Variants in UTRN observed in about 807,000 individuals in gnomAD.
UTRN encodes utrophin.
UTRN carries 283 observed loss-of-function variants against 463.9 expected under a neutral mutation model. That is an observed-to-expected ratio of 0.61 (90% CI 0.55 to 0.67). UTRN has a LOEUF of 0.67. UTRN is among the 30% of genes least tolerant of loss of function. UTRN has a pLI of 0.00. For synonymous variants in UTRN, 1,442 were observed against 1,431.5 expected, an observed-to-expected ratio of 1.01 and a Z score of -0.17; for missense variants, 3,922 against 4,084.3, an observed-to-expected ratio of 0.96 and a Z score of 1.08.
At chr6:144,846,007 G>T (rs1187210437) in intron 73 of UTRN, among the ~76,000 whole-genome samples, 3 of 152,030 alleles carry the variant, frequency 2.0e-5, no homozygotes, top group African/African-American at 7.2e-5. Context: ...ATTTGACCAA[G>T]AACAGATTGT....
chr6:144,518,692 C>T (rs918901650), intron 39 of UTRN, among the ~76,000 whole-genome samples: 5 of 151,886 alleles, frequency 3.3e-5, no homozygotes, highest in African/African-American at 7.3e-5. Context: ...TCTTTGGGTC[C>T]GAAATCAGAA....
At chr6:144,429,401 A>G (rs1408892070) in intron 8 of UTRN, among the ~76,000 whole-genome samples, 180 bp from the exon 9 acceptor site, 2 of 152,180 alleles carry the variant, frequency 1.3e-5, no homozygotes, top group African/African-American at 4.8e-5. Context: ...GAACAAAAAT[A>G]AGTAATCCCT....
At chr6:144,464,823 C>T (rs1431283323) in intron 23 of UTRN, among the ~76,000 whole-genome samples, 2 of 152,174 alleles carry the variant, frequency 1.3e-5, no homozygotes, top group African/African-American at 4.8e-5. Context: ...GATGGTCCCA[C>T]TTCTCGTTGT....
chr6:144,359,079 CA>C (rs775139351), intron 2 of UTRN, among the ~76,000 whole-genome samples: 42 of 152,070 alleles, frequency 2.8e-4, no homozygotes, highest in Non-Finnish European at 4.6e-4. Context: ...GATAATAGTA[CA>C]GCGAAAATTA....
intron 2 of UTRN, among the ~76,000 whole-genome samples, chr6:144,382,484 G>A (rs1172082987): frequency 6.6e-6 from 1 of 152,154 alleles, no homozygotes; most frequent in Non-Finnish European, 1.5e-5. Context: ...GCTACATCTG[G>A]GAATTTGTGC....
intron 51 of UTRN, among the ~76,000 whole-genome samples, chr6:144,623,278 T>C (rs1775614741): frequency 6.6e-6 from 1 of 152,232 alleles, no homozygotes; most frequent in Non-Finnish European, 1.5e-5. Flanking sequence ...ATATTAGTGA[T>C]GTCAGTGAAG....
chr6:144,310,768 A>G (rs1483568122), intron 2 of UTRN, among the ~76,000 whole-genome samples: 1 of 152,248 alleles, frequency 6.6e-6, no homozygotes, highest in East Asian at 1.9e-4. Context: ...ACAGAGCAAG[A>G]TGCTGTCTCA....
chr6:144,651,442 G>A (rs1778808642), intron 51 of UTRN, among the ~76,000 whole-genome samples: 1 of 152,136 alleles, frequency 6.6e-6, no homozygotes, highest in Admixed American at 6.5e-5. Context: ...GGGTCAAGCA[G>A]CTAGATAAGT....
rs774804253 is a variant in UTRN at position 144,789,292 on chromosome 6, T to C, written c.8920+13T>C. On this transcript the variant is annotated intron_variant, in intron 62 of 74. Transcript: ENST00000367545. The stretch of plus-strand genomic sequence containing the variant: ...GAAAAATACAGATGTATGTAAGACC[T>C]TTCTTATACCAACAGTGTTTTTAGT... 1 of 1,566,458 alleles carries C rather than the reference T, an allele frequency of 6.4e-7. No homozygotes were observed. The highest frequency in any genetic ancestry group is 1.7e-4 in the Middle Eastern group (1 of 5,866).
chr6:144,525,079 T>C (rs1300414198), intron 41 of UTRN, among the ~76,000 whole-genome samples: 3 of 152,178 alleles, frequency 2.0e-5, no homozygotes, highest in African/African-American at 7.2e-5. Context: ...TGATATACTA[T>C]TGGATTCAGT....
chr6:144,533,043 T>C, intron 42 of UTRN, 42 bp from the exon 43 acceptor site: 1 of 1,141,416 alleles, frequency 8.8e-7, no homozygotes, highest in African/African-American at 1.5e-5. Context: ...CAGAATCATT[T>C]ACTTATTAGT....
At chr6:144,768,980 T>G (rs1793702515) in intron 58 of UTRN, among the ~76,000 whole-genome samples, 1 of 151,320 alleles carries the variant, frequency 6.6e-6, no homozygotes, top group Non-Finnish European at 1.5e-5. Context: ...TTAATTTTAT[T>G]CTTGGATAGA....
chr6:144,591,392 G>A (rs1382897941), intron 51 of UTRN, among the ~76,000 whole-genome samples: 1 of 152,152 alleles, frequency 6.6e-6, no homozygotes, highest in Non-Finnish European at 1.5e-5. Flanking sequence ...GACCAGTGGG[G>A]CTTGTGATAG....
chr6:144,388,737 A>G (rs879738702), intron 2 of UTRN, among the ~76,000 whole-genome samples: 2 of 152,226 alleles, frequency 1.3e-5, no homozygotes, highest in Non-Finnish European at 2.9e-5. Context: ...TGGTGGCTCA[A>G]GCAGTCCACC....
intron 45 of UTRN, among the ~76,000 whole-genome samples, chr6:144,540,561 T>G (rs1381850704): frequency 2.0e-5 from 3 of 152,152 alleles, no homozygotes; most frequent in African/African-American, 2.4e-5. Context: ...GCTCAACATC[T>G]CTCCTTAAAT....
At chr6:144,802,863 A>G (rs1203589872) in intron 64 of UTRN, among the ~76,000 whole-genome samples, 173 bp from the exon 65 acceptor site, 1 of 152,180 alleles carries the variant, frequency 6.6e-6, no homozygotes, top group Non-Finnish European at 1.5e-5. Flanking sequence ...ATCTTCTGAC[A>G]TGCATATTTG....
intron 74 of UTRN, 52 bp downstream of exon 74, chr6:144,846,879 A>G: frequency 1.2e-6 from 2 of 1,607,252 alleles, no homozygotes; most frequent in South Asian, 2.2e-5. Flanking sequence ...AACCTAGAGT[A>G]AGCAGATTAT....
chr6:144,503,516 C>T (rs1200310702), intron 34 of UTRN, among the ~76,000 whole-genome samples: 1 of 152,084 alleles, frequency 6.6e-6, no homozygotes, highest in African/African-American at 2.4e-5. Flanking sequence ...AATCCTTTCC[C>T]TATTGCTTGT....
chr6:144,618,481 C>T (rs1806370989), intron 51 of UTRN, among the ~76,000 whole-genome samples: 1 of 152,126 alleles, frequency 6.6e-6, no homozygotes, highest in Non-Finnish European at 1.5e-5. Context: ...GTACAAAACA[C>T]ATGCTTATTT....
Sources: allele counts gnomAD v4.1 joint callset (sites outside exome capture counted in the v4.1 genomes callset), GRCh38; gene constraint gnomAD v4.1.1; transcripts MANE v1.5; gene names NCBI Gene and HGNC (gene_info 2026-07-23, HGNC 2026-07-21).